The following DDR2 variants were observed in gnomAD, a reference collection of about 807,000 sequenced individuals.
DDR2 encodes discoidin domain-containing receptor 2.
DDR2 carries 27 observed loss-of-function variants against 94.9 expected under a neutral mutation model. The ratio of observed to expected loss-of-function variants is 0.28; its 90% CI spans 0.21 to 0.39. The LOEUF (loss-of-function observed/expected upper bound fraction) is 0.39. Among genes scored for constraint, DDR2 ranks in the 10% least tolerant of loss-of-function variants. DDR2 has a pLI of 1.00. For missense variants in DDR2, 783 were observed against 1,076.0 expected (o/e 0.73, Z 3.81); for synonymous variants, 382 against 377.2 (o/e 1.01, Z -0.15).
intron 2 of DDR2, among the ~76,000 whole-genome samples, chr1:162,701,127 C>CT (rs2101995088): frequency 6.7e-6 from 1 of 150,306 alleles, no homozygotes; most frequent in East Asian, 2.0e-4. Context: ...GGTTAAAACA[C>CT]TTTTTATAGC....
intron 3 of DDR2, among the ~76,000 whole-genome samples, chr1:162,725,844 T>C (rs1661640128): frequency 6.6e-6 from 1 of 152,206 alleles, no homozygotes; most frequent in South Asian, 2.1e-4. Context: ...AAATGAAAAA[T>C]GTTTTCTATT....
At chr1:162,639,652 T>C (rs75949226) in intron 1 of DDR2, among the ~76,000 whole-genome samples, 370 of 152,316 alleles carry the variant, frequency 2.4e-3, no homozygotes, top group African/African-American at 8.6e-3. Flanking sequence ...TTCATTAAAA[T>C]TGTAAACTTC....
chr1:162,775,250 A>G (rs1275147519), intron 14 of DDR2, among the ~76,000 whole-genome samples: 1 of 37,424 alleles, frequency 2.7e-5, no homozygotes, highest in East Asian at 7.1e-4. Flanking sequence ...GAGTGACTCC[A>G]TGGCTTTAAA....
chr1:162,676,624 C>T (rs1659139262), intron 2 of DDR2, among the ~76,000 whole-genome samples: 1 of 152,208 alleles, frequency 6.6e-6, no homozygotes, highest in Admixed American at 6.5e-5. Flanking sequence ...TTGGAAACAA[C>T]AGCAATAATA....
chr1:162,700,559 C>A (rs904916615), intron 2 of DDR2, among the ~76,000 whole-genome samples: 2 of 152,070 alleles, frequency 1.3e-5, no homozygotes, highest in Non-Finnish European at 2.9e-5. Context: ...TGATTTCAGC[C>A]TTGGAAATCT....
rs764067692 is a variant in DDR2 at position 162,698,171 on chromosome 1, A to T, written c.-27-20866A>T. Among the ~76,000 whole-genome samples the T allele has an allele frequency of 4.7e-4, 71 of 152,324 alleles. No homozygotes were observed. The Middle Eastern group carries it at 0.014, about 29-fold the overall frequency. On this transcript the variant is annotated intron_variant, in intron 2 of 17. Transcript: ENST00000367921. Reference sequence around the variant, plus strand: ...GAACATGGAAAGCTGACTGAAGGGAAAACAGAGAAGGTGGGATAGTTGAGA... The same window carrying T: ...GAACATGGAAAGCTGACTGAAGGGATAACAGAGAAGGTGGGATAGTTGAGA...
chr1:162,739,428 T>C (rs1662479944), intron 3 of DDR2, among the ~76,000 whole-genome samples: 1 of 152,144 alleles, frequency 6.6e-6, no homozygotes, highest in South Asian at 2.1e-4. Context: ...TGCTTCAGCC[T>C]CCTGAGTAAC....
At chr1:162,763,885 C>T (rs1006800879) in intron 9 of DDR2, among the ~76,000 whole-genome samples, 1 of 152,184 alleles carries the variant, frequency 6.6e-6, no homozygotes, top group Non-Finnish European at 1.5e-5. Flanking sequence ...TGCTAAATAT[C>T]ATGTTTCCTA....
At chr1:162,751,894 G>C (rs1663224080) in intron 3 of DDR2, among the ~76,000 whole-genome samples, 1 of 152,176 alleles carries the variant, frequency 6.6e-6, no homozygotes, top group African/African-American at 2.4e-5. Context: ...ACTATCGCAA[G>C]GACTGAAGGC....
At chr1:162,753,562 G>C (rs1663316183) in intron 4 of DDR2, among the ~76,000 whole-genome samples, 1 of 152,142 alleles carries the variant, frequency 6.6e-6, no homozygotes, top group African/African-American at 2.4e-5. Flanking sequence ...GTAGGACACT[G>C]GGAGTTAGCA....
At position 162,759,957 on chromosome 1, in the gene DDR2, T is replaced by A. The variant is rs1261057547; in HGVS notation, c.833T>A (p.Ile278Asn). ...GAGATCATGTTTGAATTTGACCGCATCAGGAATTTCACTACCATGAAGGTC... is the reference window on the plus strand; with the variant it reads ...GAGATCATGTTTGAATTTGACCGCAACAGGAATTTCACTACCATGAAGGTC... The part of the protein sequence containing the change: ...YIEIMFEFDR[I>N]RNFTTMKVHC... The change falls in exon 8 of 18, where the codon ATC becomes AAC. Residue 278 changes from isoleucine to asparagine, a missense_variant. Ile to Asn is a moderately radical substitution (Grantham distance 149, BLOSUM62 -3). Coordinates refer to ENST00000367921, the MANE Select transcript of DDR2 (RefSeq NM_006182.4). The A allele has an allele frequency of 2.5e-6, 4 of 1,613,986 alleles. No homozygotes were observed. In the African/African-American group the frequency reaches 5.3e-5, roughly 22 times the overall value.
chr1:162,772,454 T>C (rs2102187229), intron 13 of DDR2: 1 of 594,034 alleles, frequency 1.7e-6, no homozygotes, highest in Non-Finnish European at 3.0e-6. Context: ...CTGATTTCTA[T>C]ATAGGAGTTT....
intron 2 of DDR2, among the ~76,000 whole-genome samples, chr1:162,715,668 G>A (rs990930478): frequency 6.6e-6 from 1 of 152,202 alleles, no homozygotes; most frequent in African/African-American, 2.4e-5. Context: ...TCACATATGA[G>A]TTTGGTCACC....
At chr1:162,718,817 G>C (rs901589252) in intron 2 of DDR2, among the ~76,000 whole-genome samples, 1 of 152,106 alleles carries the variant, frequency 6.6e-6, no homozygotes, top group Non-Finnish European at 1.5e-5. Context: ...AATTTCATGA[G>C]TGTGCAATCT....
chr1:162,682,155 TG>T lies in DDR2; in HGVS notation c.-28+26786del, dbSNP rs534849065. 3.0e-4 allele frequency among the ~76,000 whole-genome samples: 45 copies of T among 151,896 alleles called. 2 individuals are homozygous for T. In the South Asian group the frequency reaches 4.0e-3, roughly 13 times the overall value. On this transcript the variant is annotated intron_variant, in intron 2 of 17. Transcript: ENST00000367921. Reference sequence around the variant, plus strand: ...AGAAACCCACAGTGAGAGTGGAGGGTGGGGGTCCATGTTTATCTTGGTGGGC... The same window carrying T: ...AGAAACCCACAGTGAGAGTGGAGGGTGGGGTCCATGTTTATCTTGGTGGGC...
chr1:162,640,995 A>T (rs1010493907), intron 1 of DDR2, among the ~76,000 whole-genome samples: 6 of 152,064 alleles, frequency 3.9e-5, no homozygotes, highest in Non-Finnish European at 7.4e-5. Context: ...GGCTCAAGCA[A>T]TCCTCCCACC....
At chr1:162,735,756 A>C (rs1231278125) in intron 3 of DDR2, among the ~76,000 whole-genome samples, 1 of 152,228 alleles carries the variant, frequency 6.6e-6, no homozygotes, top group East Asian at 1.9e-4. Flanking sequence ...ATGCCTAGGA[A>C]ATATAATTTA....
At position 162,754,641 on chromosome 1, in the gene DDR2, G is replaced by A. The variant is rs2102132459; in HGVS notation, c.203G>A (p.Gly68Glu). 6.2e-7 allele frequency: 1 copy of A among 1,614,162 alleles called. No homozygotes were observed. The highest frequency in any genetic ancestry group is 1.3e-5 in the African/African-American group (1 of 75,054). Reference protein sequence around the residue: ...AKYGRLDSEEGDGAWCPEIPV... With the variant: ...AKYGRLDSEEEDGAWCPEIPV... ...CTCTCAAGGCTGGACTCAGAAGAAG[G>A]GGATGGAGCCTGGTGCCCTGAGATT... Residue 68 changes from glycine to glutamate, a missense_variant, in exon 5 of 18, where the codon GGG (glycine) becomes GAG (glutamate). This residue lies in a region of DDR2 where 519 missense variants were observed against 647.9 expected (regional missense o/e 0.80). Transcript: ENST00000367921.
At chr1:162,770,160 A>G (rs1664192456) in intron 11 of DDR2, 142 bp from the exon 12 acceptor site, 1 of 823,440 alleles carries the variant, frequency 1.2e-6, no homozygotes, top group African/African-American at 1.7e-5. Context: ...ACCAGACTGC[A>G]TTCCTAGCAC....
Sources: allele counts gnomAD v4.1 joint callset (sites outside exome capture counted in the v4.1 genomes callset), GRCh38; gene constraint gnomAD v4.1.1; regional missense constraint gnomAD v4.1.1; transcripts MANE v1.5; gene names NCBI Gene and HGNC (gene_info 2026-07-23, HGNC 2026-07-21).